The following FBXL13 variants were observed in gnomAD, a reference collection of about 807,000 sequenced individuals.
FBXL13 encodes F-box and leucine rich repeat protein 13.
In FBXL13, 67 loss-of-function variants were observed where a neutral mutation model predicts 83.6. That is an observed-to-expected ratio of 0.80 (90% CI 0.66 to 0.98). The LOEUF (loss-of-function observed/expected upper bound fraction) is 0.98, where lower values mean the gene tolerates loss of function less well. Among genes scored for constraint, FBXL13 ranks in the 50% least tolerant of loss-of-function variants. The probability of loss-of-function intolerance (pLI) is 0.00; values close to 1 mark genes in which losing one functional copy is unlikely to be tolerated. For missense variants in FBXL13, 822 were observed against 866.5 expected (o/e 0.95, Z 0.64); for synonymous variants, 272 against 299.5 (o/e 0.91, Z 0.95).
intron 18 of FBXL13, among the ~76,000 whole-genome samples, chr7:102,831,576 G>C (rs1045644673): frequency 2.0e-5 from 3 of 152,116 alleles, no homozygotes; most frequent in South Asian, 2.1e-4. Context: ...GGAATCTAGA[G>C]ATCTATCTAC....
intron 8 of FBXL13, chr7:102,934,623 T>C (rs1819935092): frequency 6.2e-7 from 1 of 1,609,668 alleles, no homozygotes; most frequent in Non-Finnish European, 8.5e-7. Flanking sequence ...AAGCCTGAGG[T>C]GGACTCAACT....
At chr7:102,881,132 G>A (rs1809996645) in intron 14 of FBXL13, among the ~76,000 whole-genome samples, 1 of 152,114 alleles carries the variant, frequency 6.6e-6, no homozygotes, top group Non-Finnish European at 1.5e-5. Flanking sequence ...CTCTACTTCT[G>A]GAGGCAGAAA....
intron 11 of FBXL13, among the ~76,000 whole-genome samples, chr7:102,900,901 T>C (rs550035391): frequency 2.0e-5 from 3 of 152,384 alleles, no homozygotes; most frequent in Non-Finnish European, 4.4e-5. Context: ...AACTTCATTG[T>C]GTTTTGAGGC....
At chr7:102,861,835 A>G (rs542780994) in intron 16 of FBXL13, among the ~76,000 whole-genome samples, 1 of 152,004 alleles carries the variant, frequency 6.6e-6, no homozygotes, top group African/African-American at 2.4e-5. Flanking sequence ...TACAAAAATT[A>G]TCCGGGCATG....
chr7:102,943,336 CA>C (rs58320878), intron 8 of FBXL13, among the ~76,000 whole-genome samples: 134,317 of 142,750 alleles, frequency 0.94, 63,366 homozygotes, highest in Non-Finnish European at 0.99. Flanking sequence ...AAGTAAATAC[CA>C]AAAAAAAAAA....
intron 6 of FBXL13, among the ~76,000 whole-genome samples, chr7:102,980,357 A>G (rs969122641): frequency 1.3e-5 from 2 of 150,680 alleles, no homozygotes; most frequent in African/African-American, 2.4e-5. Flanking sequence ...CAATGGGGGG[A>G]AAAAAGTCTT....
intron 18 of FBXL13, among the ~76,000 whole-genome samples, chr7:102,823,973 G>C (rs1204867165): frequency 1.3e-5 from 2 of 152,110 alleles, no homozygotes; most frequent in Non-Finnish European, 1.5e-5. Flanking sequence ...AAGGCCCACA[G>C]AATTGTAGAA....
intron 11 of FBXL13, among the ~76,000 whole-genome samples, chr7:102,908,909 T>C (rs987550402): frequency 6.6e-6 from 1 of 152,242 alleles, no homozygotes; most frequent in African/African-American, 2.4e-5. Context: ...GCTACTGCCA[T>C]TGTTCACTCA....
intron 9 of FBXL13, among the ~76,000 whole-genome samples, chr7:102,931,365 C>T (rs909223211): frequency 7.2e-5 from 11 of 152,216 alleles, no homozygotes; most frequent in South Asian, 2.1e-4. Context: ...GTGTAGATGA[C>T]GGCAGTGTGT....
chr7:102,822,766 T>C (rs1184404145), intron 18 of FBXL13, among the ~76,000 whole-genome samples: 1 of 152,240 alleles, frequency 6.6e-6, no homozygotes, highest in East Asian at 1.9e-4. Flanking sequence ...CTGCCTCAAG[T>C]AGCACCAATA....
rs150134547 is a variant in FBXL13 at position 102,825,273 on chromosome 7, G to T, written c.1855-3070C>A. ...AGGTGGGGCCCTTAAGAGGTAATCG[G>T]GTCATGAAGGCTCTGCTCTCATCAG... On this transcript the variant is annotated intron_variant, in intron 18 of 19. Coordinates refer to ENST00000313221, the Ensembl canonical transcript of FBXL13. 2.3e-3 allele frequency among the ~76,000 whole-genome samples: 355 copies of T among 152,240 alleles called. 1 individual carries two copies. Among genetic ancestry groups the T allele is most frequent in the Middle Eastern group, 0.02 (6 of 294 alleles).
At chr7:103,030,991 A>G (rs1204801925) in intron 2 of FBXL13, 1 of 152,184 alleles carries the variant, frequency 6.6e-6, no homozygotes, top group Admixed American at 6.5e-5. Context: ...AAGGAAGGAA[A>G]GAGAGAAAGA....
intron 6 of FBXL13, among the ~76,000 whole-genome samples, chr7:102,992,060 C>A (rs1028356543): frequency 2.6e-5 from 4 of 152,086 alleles, no homozygotes; most frequent in African/African-American, 9.7e-5. Context: ...TTTAATTTCC[C>A]ACTGATACTA....
chr7:102,827,127 C>T (rs1366924724), intron 18 of FBXL13: 1 of 454,456 alleles, frequency 2.2e-6, no homozygotes, highest in South Asian at 1.6e-5. Flanking sequence ...TGAGCCAGGC[C>T]TCAAGATGCC....
At chr7:102,988,191 A>T (rs1373404353) in intron 6 of FBXL13, 1 of 152,244 alleles carries the variant, frequency 6.6e-6, no homozygotes, top group Non-Finnish European at 1.5e-5. Context: ...GTCACTGAGG[A>T]TGAGTTTCCA....
At chr7:103,029,559 G>C (rs1794289557) in intron 2 of FBXL13, 141 bp from the exon 4 acceptor site, 1 of 446,568 alleles carries the variant, frequency 2.2e-6, no homozygotes, top group Admixed American at 4.5e-5. Context: ...GGAATGGGCT[G>C]AAAGAACTAT....
At position 102,928,958 on chromosome 7, in the gene FBXL13, T is replaced by C. The variant is rs143743074; in HGVS notation, c.778-2584A>G. On this transcript the variant is annotated intron_variant, in intron 9 of 19. Coordinates refer to ENST00000313221, the Ensembl canonical transcript of FBXL13. Reference sequence around the variant, plus strand: ...TGTCTATGCCTCCATTTCTTGCGGATGACCCTGAAGGGTACTTTTGAACAT... The same window carrying C: ...TGTCTATGCCTCCATTTCTTGCGGACGACCCTGAAGGGTACTTTTGAACAT... Among the ~76,000 whole-genome samples, 565 of 152,336 alleles carry C rather than the reference T, an allele frequency of 3.7e-3. 5 individuals are homozygous for C. Among genetic ancestry groups the C allele is most frequent in the African/African-American group, 0.013 (558 of 41,578 alleles).
At chr7:103,025,278 A>T (rs1452834530) in intron 5 of FBXL13, 48 bp from the exon 7 acceptor site, 1 of 1,266,882 alleles carries the variant, frequency 7.9e-7, no homozygotes, top group South Asian at 1.4e-5. Context: ...TGTAACGGTC[A>T]AGAGAGATGA....
chr7:102,933,782 C>T (rs1245680172), intron 8 of FBXL13: 2 of 892,640 alleles, frequency 2.2e-6, no homozygotes, highest in African/African-American at 1.7e-5. Flanking sequence ...AGCCTAGGGA[C>T]TCCACGTACC....
Sources: allele counts gnomAD v4.1 joint callset (sites outside exome capture counted in the v4.1 genomes callset), GRCh38; gene constraint gnomAD v4.1.1; transcripts MANE v1.5; gene names NCBI Gene and HGNC (gene_info 2026-07-23, HGNC 2026-07-21).